The following IFT74 variants were observed in gnomAD, a reference collection of about 807,000 sequenced individuals.
IFT74 encodes intraflagellar transport 74.
Under a neutral mutation model 96.7 loss-of-function variants are expected in IFT74, and 92 were observed. That is an observed-to-expected ratio of 0.95 (90% CI 0.80 to 1.13). The LOEUF (loss-of-function observed/expected upper bound fraction) is 1.13, where lower values mean the gene tolerates loss of function less well. Among genes scored for constraint, IFT74 ranks in the 50% most tolerant of loss-of-function variants. The pLI is 0.00. For missense variants in IFT74, 811 were observed against 698.2 expected (o/e 1.16, Z -1.82); for synonymous variants, 223 against 213.2 (o/e 1.05, Z -0.40).
At chr9:27,014,050 C>T (rs1587355585) in intron 10 of IFT74, among the ~76,000 whole-genome samples, 1 of 152,038 alleles carries the variant, frequency 6.6e-6, no homozygotes, top group Non-Finnish European at 1.5e-5. Context: ...CCCGTCTTTA[C>T]TAAAAATACA....
At chr9:27,060,518 C>T in intron 18 of IFT74, 73 bp from the exon 19 acceptor site, 26 of 930,522 alleles carry the variant, frequency 2.8e-5, no homozygotes, top group Admixed American at 1.2e-4. Context: ...TTTTTTTTGT[C>T]TTATCCTCTT....
At chr9:27,003,395 C>T (rs1311361873) in intron 8 of IFT74, among the ~76,000 whole-genome samples, 1 of 151,998 alleles carries the variant, frequency 6.6e-6, no homozygotes, top group Non-Finnish European at 1.5e-5. Context: ...CAGTGGCAGG[C>T]ACCTGTAATC....
intron 18 of IFT74, among the ~76,000 whole-genome samples, chr9:27,057,729 G>A (rs1319873931): frequency 2.0e-5 from 3 of 151,984 alleles, no homozygotes. Flanking sequence ...GTGGTGGCGG[G>A]TGCCTGTAGT....
rs1825819541 is a variant in IFT74 at position 26,948,448 on chromosome 9, A to ATTATTTTTTTTTTTTTTT, written c.-20+1304_-20+1305insATTTTTTTTTTTTTTTTT. ...TGACAACCTGTGATGGCTTTCCATTATTTTTTTTTTTTTTTTTTTTTTTTT... is the reference window on the plus strand; with the variant it reads ...TGACAACCTGTGATGGCTTTCCATTATTATTTTTTTTTTTTTTTTTTTTTTTTTTTTTTTTTTTTTTTT... On this transcript the variant is annotated intron_variant, in intron 1 of 19. Transcript: ENST00000433700. Among the ~76,000 whole-genome samples the ATTATTTTTTTTTTTTTTT allele has an allele frequency of 8.6e-4, 51 of 59,168 alleles. 6 individuals are homozygous for ATTATTTTTTTTTTTTTTT. The highest frequency in any genetic ancestry group is 1.4e-3 in the Non-Finnish European group (36 of 26,084). The allele number at this position is 59,168 out of a possible 152,430, so 38.8% of individuals were successfully genotyped here.
rs1827214528 is a variant in IFT74, at chr9:26,978,265, T to A, written c.256+2T>A. On this transcript the variant is annotated splice_donor_variant, in intron 3 of 19. Coordinates refer to ENST00000380062, the MANE Select transcript of IFT74 (RefSeq NM_025103.4). LOFTEE classifies it high-confidence loss of function. ...CTGGAATGAAAACTGGGACGAAAGG[T>A]ACCTATTTTAAGATAAGTATGACAC... The A allele has an allele frequency of 1.2e-6, 2 of 1,612,266 alleles. No individual in the cohort carries two copies. Among genetic ancestry groups the A allele is most frequent in the African/African-American group, 2.7e-5 (2 of 74,834 alleles).
At chr9:27,011,542 CAA>C (rs1448626791) in intron 9 of IFT74, among the ~76,000 whole-genome samples, 7 of 151,422 alleles carry the variant, frequency 4.6e-5, no homozygotes, top group Admixed American at 3.9e-4. Flanking sequence ...TAATCTTAAA[CAA>C]TGACATAATT....
chr9:27,063,452 C>G lies in IFT74; in HGVS notation c.*716C>G, dbSNP rs1820512600. Reference sequence around the variant, plus strand: ...TTACTCTCTTGTACTATTAGGAGAACTTAAGTAGATTAATTTATAAACATT... The same window carrying G: ...TTACTCTCTTGTACTATTAGGAGAAGTTAAGTAGATTAATTTATAAACATT... On this transcript the variant is annotated 3_prime_UTR_variant, in exon 20 of 20. Transcript: ENST00000380062. 6.6e-6 allele frequency among the ~76,000 whole-genome samples: 1 copy of G among 151,986 alleles called. No homozygotes were observed. The highest frequency in any genetic ancestry group is 6.6e-5 in the Admixed American group (1 of 15,244).
At chr9:26,982,492 T>C (rs1043061552) in intron 4 of IFT74, 2 of 342,602 alleles carry the variant, frequency 5.8e-6, no homozygotes, top group African/African-American at 2.3e-5. Context: ...GTTTTGCTCT[T>C]GTTGCCCAGG....
chr9:27,055,769 A>C lies in IFT74; in HGVS notation c.1494A>C (p.Ile498=), dbSNP rs765071181. ...PALKSSGEEK[I]KKLHQERMIL... Reference sequence around the variant, plus strand: ...TAAAATCATCAGGTGAAGAAAAGATAAAGGTAAATGTTAACCAAGTCTTAC... The same window carrying C: ...TAAAATCATCAGGTGAAGAAAAGATCAAGGTAAATGTTAACCAAGTCTTAC... Residue 498 remains isoleucine, a synonymous_variant, in exon 17 of 20, where the codon ATA becomes ATC. Transcript: ENST00000380062. 6 of 1,528,034 alleles carry C rather than the reference A, an allele frequency of 3.9e-6. No homozygotes were observed. In the East Asian group the frequency reaches 7.4e-5, roughly 19 times the overall value. The allele number at this position is 1,528,034 out of a possible 1,614,324, so 94.7% of individuals were successfully genotyped here. A position where few individuals can be genotyped will look rare whatever the true frequency, so the allele number is the denominator to read the frequency against.
At chr9:26,973,131 G>T (rs1034237152) in intron 2 of IFT74, among the ~76,000 whole-genome samples, 3 of 152,192 alleles carry the variant, frequency 2.0e-5, no homozygotes, top group Non-Finnish European at 4.4e-5. Context: ...CAGCCAAGGG[G>T]CATGCGCAGA....
chr9:26,998,843 A>AG (rs1333965733), intron 8 of IFT74, among the ~76,000 whole-genome samples: 1 of 150,912 alleles, frequency 6.6e-6, no homozygotes, highest in Non-Finnish European at 1.5e-5. Context: ...AAAAAAAAAA[A>AG]GTCAGCCGGG....
chr9:27,044,509 G>A (rs971411349), intron 13 of IFT74, among the ~76,000 whole-genome samples: 4 of 152,170 alleles, frequency 2.6e-5, no homozygotes, highest in Non-Finnish European at 4.4e-5. Flanking sequence ...CCCAGGTTGG[G>A]AATGGAAAGC....
intron 4 of IFT74, chr9:26,983,808 G>C (rs1827499089): frequency 7.4e-6 from 1 of 134,724 alleles, no homozygotes. Context: ...TTCTGAGATG[G>C]TGTCTCCCTC....
intron 12 of IFT74, among the ~76,000 whole-genome samples, chr9:27,020,491 T>C (rs1318665508): frequency 6.6e-6 from 1 of 151,196 alleles, no homozygotes; most frequent in East Asian, 1.9e-4. Context: ...TTCTTTTTTT[T>C]TGAGACAGAG....
rs1199736646 is a variant in IFT74 at position 27,006,833 on chromosome 9, T to G, written c.588-2187T>G. 1.6e-3 allele frequency among the ~76,000 whole-genome samples: 47 copies of G among 28,960 alleles called. No homozygotes were observed. In the South Asian group the frequency reaches 0.038, roughly 23 times the overall value. The allele number at this position is 28,960 out of a possible 152,430, so 19.0% of individuals were successfully genotyped here. The stretch of plus-strand genomic sequence containing the variant: ...TTTTTGTTTACTTATTATTGTGTGT[T>G]TTTTTTTTTTTTTTTTTTTTTGAGA... On this transcript the variant is annotated intron_variant, in intron 8 of 19. Transcript: ENST00000380062.
Position 26,947,185 on chromosome 9 carries a change from G to A in IFT74, c.-20+39G>A, listed in dbSNP as rs1285962764. 4 of 1,016,604 alleles carry A rather than the reference G, an allele frequency of 3.9e-6. No homozygotes were observed. The Admixed American group carries it at 1.1e-4, about 27-fold the overall frequency. The allele number at this position is 1,016,604 out of a possible 1,614,324, so 63.0% of individuals were successfully genotyped here. A position where few individuals can be genotyped will look rare whatever the true frequency, so the allele number is the denominator to read the frequency against. ...GGAGACCGGAAGAGCCCGAGAGCCGGTACGGAAGGGCGGCTGGGAAGGGGC... is the reference window on the plus strand; with the variant it reads ...GGAGACCGGAAGAGCCCGAGAGCCGATACGGAAGGGCGGCTGGGAAGGGGC... On this transcript the variant is annotated intron_variant, in intron 1 of 19. Transcript: ENST00000433700.
chr9:27,036,490 AG>A, intron 13 of IFT74: 1 of 1,613,894 alleles, frequency 6.2e-7, no homozygotes, highest in African/African-American at 1.3e-5. Flanking sequence ...AAAAAAATAC[AG>A]GAAGTTTCAA....
chr9:26,975,421 G>T (rs756090795), intron 2 of IFT74, among the ~76,000 whole-genome samples: 1 of 152,140 alleles, frequency 6.6e-6, no homozygotes, highest in Non-Finnish European at 1.5e-5. Flanking sequence ...AATTTTGGCC[G>T]GAAAACTGAG....
At chr9:26,994,654 C>G (rs1201809088) in intron 8 of IFT74, 1 of 152,018 alleles carries the variant, frequency 6.6e-6, no homozygotes. Context: ...TTGTGAATGT[C>G]TCTCTGGAAA....
Sources: gnomAD v4.1 joint callset for allele counts (sites outside exome capture counted in the v4.1 genomes callset) on GRCh38, gnomAD v4.1.1 for gene constraint, MANE v1.5 for transcripts, NCBI Gene and HGNC (gene_info 2026-07-23, HGNC 2026-07-21) for gene names.